Variants in NBAS observed in about 807,000 individuals in gnomAD.
The protein encoded by NBAS is NBAS subunit of NRZ tethering complex.
A neutral mutation model predicts 302.5 loss-of-function variants in NBAS; 219 were observed. The observed-to-expected ratio is 0.72, with a 90% CI of 0.65 to 0.81. The LOEUF is 0.81. NBAS is among the 30% of genes least tolerant of loss of function. NBAS has a pLI of 0.00. For synonymous variants in NBAS, 1,118 were observed against 1,021.6 expected (o/e 1.09, Z -1.80); for missense variants, 2,932 against 2,841.6 (o/e 1.03, Z -0.72).
chr2:15,210,649 G>T (rs971881081), intron 48 of NBAS, among the ~76,000 whole-genome samples: 1 of 152,112 alleles, frequency 6.6e-6, no homozygotes, highest in African/African-American at 2.4e-5. Context: ...AGAAATCAGT[G>T]TATCAAAGAG....
chr2:15,282,968 A>G (rs926577299), intron 42 of NBAS, among the ~76,000 whole-genome samples: 1 of 152,028 alleles, frequency 6.6e-6, no homozygotes, highest in South Asian at 2.1e-4. Flanking sequence ...GGCCTTCCCC[A>G]TCTACTTCGT....
chr2:15,296,654 G>A (rs753466920), intron 40 of NBAS, among the ~76,000 whole-genome samples: 7 of 152,020 alleles, frequency 4.6e-5, no homozygotes, highest in Non-Finnish European at 8.8e-5. Context: ...AACATAGTGA[G>A]ACCCTGTCTC....
chr2:15,511,076 A>G, intron 10 of NBAS, 136 bp downstream of exon 10: 1 of 1,069,602 alleles, frequency 9.3e-7, no homozygotes. Context: ...ATAAAATTAT[A>G]CCAGCATTAA....
chr2:15,496,758 A>G (rs1266296768), intron 11 of NBAS, among the ~76,000 whole-genome samples: 1 of 152,204 alleles, frequency 6.6e-6, no homozygotes, highest in Non-Finnish European at 1.5e-5. Context: ...CACCTATTCT[A>G]TTCCAGGCAC....
chr2:14,796,820 C>G, the NBAS span, among the ~76,000 whole-genome samples: 1 of 151,120 alleles, frequency 6.6e-6, no homozygotes, highest in African/African-American at 2.4e-5. Context: ...TGGCTACCTA[C>G]AGCCTATGCC....
chr2:14,801,332 G>A, the NBAS span, among the ~76,000 whole-genome samples: 1 of 151,906 alleles, frequency 6.6e-6, no homozygotes, highest in Non-Finnish European at 1.5e-5. Context: ...GCTTGAAATT[G>A]CTCCATAGCT....
At chr2:15,087,999 A>G in the NBAS span, among the ~76,000 whole-genome samples, 4,105 of 152,328 alleles carry the variant, frequency 0.027, 193 homozygotes, top group African/African-American at 0.093. Flanking sequence ...TGAGTGAGCC[A>G]GTGCAAGAGA....
chr2:15,177,837 T>A (rs1172002191), intron 51 of NBAS: 1 of 206,180 alleles, frequency 4.9e-6, no homozygotes, highest in East Asian at 1.2e-4. Context: ...TCAGTCAAGG[T>A]CCCAAAGAGG....
Position 15,290,084 on chromosome 2 carries a change from TAGAGGGGAGAGGGGAGAGAGG to T in NBAS, c.5027+2432_5027+2452del, listed in dbSNP as rs770504557. ...AGAGGAGAGGGGATAGGGGAGAGAG[TAGAGGGGAGAGGGGAGAGAGG>T]AGAGGGGAGAGGGGAGAGAGGAGAG... On this transcript the variant is annotated intron_variant, in intron 41 of 51. Coordinates refer to ENST00000281513, the MANE Select transcript of NBAS (RefSeq NM_015909.4). Among the ~76,000 whole-genome samples the T allele has an allele frequency of 3.8e-3, 227 of 59,916 alleles. 1 individual carries two copies. The East Asian group carries it at 0.079, about 21-fold the overall frequency. 39.3% of individuals were successfully genotyped at this position (59,916 alleles called of 152,430 possible). A position where few individuals can be genotyped will look rare whatever the true frequency, so the allele number is the denominator to read the frequency against.
At chr2:15,430,640 T>G (rs981437817) in intron 21 of NBAS, among the ~76,000 whole-genome samples, 4 of 152,188 alleles carry the variant, frequency 2.6e-5, no homozygotes, top group Admixed American at 2.6e-4. Context: ...AAGCCAGGAT[T>G]TGAACACAAC....
At chr2:14,927,177 C>A in the NBAS span, among the ~76,000 whole-genome samples, 661 of 152,340 alleles carry the variant, frequency 4.3e-3, 4 homozygotes, top group African/African-American at 0.014. Context: ...GAGTCTCCAG[C>A]CTATCAGCCT....
At chr2:14,784,004 A>C in the NBAS span, among the ~76,000 whole-genome samples, 3 of 151,976 alleles carry the variant, frequency 2.0e-5, no homozygotes, top group African/African-American at 7.3e-5. Context: ...CTTTTTAATG[A>C]TTGCCACTCT....
the NBAS span, among the ~76,000 whole-genome samples, chr2:15,041,213 G>A: frequency 6.6e-6 from 1 of 152,212 alleles, no homozygotes; most frequent in Non-Finnish European, 1.5e-5. Flanking sequence ...CATTTATGGA[G>A]GCAGGGAGAG....
the NBAS span, among the ~76,000 whole-genome samples, chr2:14,808,490 T>A: frequency 3.3e-5 from 5 of 152,170 alleles, no homozygotes; most frequent in African/African-American, 1.2e-4. Flanking sequence ...ATAAGTCTCA[T>A]GAGATCTGAT....
chr2:15,192,000 TC>T (rs1665381623), intron 48 of NBAS, among the ~76,000 whole-genome samples: 3 of 152,296 alleles, frequency 2.0e-5, no homozygotes, highest in African/African-American at 7.2e-5. Context: ...ACTCACTCCC[TC>T]CTTTCAAGTT....
At chr2:15,141,722 G>A in the NBAS span, among the ~76,000 whole-genome samples, 1 of 152,068 alleles carries the variant, frequency 6.6e-6, no homozygotes, top group Non-Finnish European at 1.5e-5. Context: ...TACCGTAGGG[G>A]CCACTCATGC....
the NBAS span, among the ~76,000 whole-genome samples, chr2:14,865,481 C>T: frequency 6.6e-6 from 1 of 152,118 alleles, no homozygotes; most frequent in Admixed American, 6.5e-5. Flanking sequence ...AGTCAGTAAG[C>T]ATAGCTCCTT....
At chr2:15,320,265 T>C (rs1332427342) in intron 38 of NBAS, among the ~76,000 whole-genome samples, 1 of 152,100 alleles carries the variant, frequency 6.6e-6, no homozygotes, top group Non-Finnish European at 1.5e-5. Flanking sequence ...ATAAGAGCTA[T>C]TTATGACAAA....
chr2:15,167,780 T>C (rs1056950719), intron 51 of NBAS, among the ~76,000 whole-genome samples: 1 of 152,254 alleles, frequency 6.6e-6, no homozygotes, highest in African/African-American at 2.4e-5. Flanking sequence ...ATTTACTGTT[T>C]CATTTGTACT....
Sources: gnomAD v4.1 joint callset for allele counts (sites outside exome capture counted in the v4.1 genomes callset) on GRCh38, gnomAD v4.1.1 for gene constraint, MANE v1.5 for transcripts, NCBI Gene and HGNC (gene_info 2026-07-23, HGNC 2026-07-21) for gene names.